Variants in PPP6R2 observed in about 807,000 individuals in gnomAD.
PPP6R2 encodes the protein serine/threonine-protein phosphatase 6 regulatory subunit 2.
Under a neutral mutation model 100.2 loss-of-function variants are expected in PPP6R2, and 62 were observed. The observed-to-expected ratio is 0.62, with a 90% CI of 0.50 to 0.76. The LOEUF (loss-of-function observed/expected upper bound fraction) is 0.76, where lower values mean the gene tolerates loss of function less well. Ranked by LOEUF, PPP6R2 falls within the 30% of genes least tolerant of loss-of-function variation. The pLI, the probability that PPP6R2 is intolerant of heterozygous loss-of-function variation, is 0.00. For missense variants in PPP6R2, 1,142 were observed against 1,276.3 expected, an observed-to-expected ratio of 0.89 and a Z score of 1.60; for synonymous variants, 525 against 514.7, an observed-to-expected ratio of 1.02 and a Z score of -0.27.
At chr22:50,363,125 TTGTAGAAGCAGACA>T (rs1336874657) in intron 1 of PPP6R2, among the ~76,000 whole-genome samples, 2 of 152,234 alleles carry the variant, frequency 1.3e-5, no homozygotes, top group African/African-American at 2.4e-5. Flanking sequence ...TTGTCACTTC[TTGTAGAAGCAGACA>T]TGTGCTGGTG....
chr22:50,389,117 A>G (rs545765355), intron 2 of PPP6R2: 1 of 152,348 alleles, frequency 6.6e-6, no homozygotes, highest in East Asian at 1.9e-4. Flanking sequence ...CTTGGGTAAG[A>G]ATCTAGAAGA....
intron 3 of PPP6R2, among the ~76,000 whole-genome samples, chr22:50,401,285 G>A (rs2057976830): frequency 6.6e-6 from 1 of 151,714 alleles, no homozygotes. Flanking sequence ...TCGGCTCACT[G>A]CAACCTTCAC....
Position 50,366,452 on chromosome 22 carries a change from C to T in PPP6R2, c.-147-5568C>T, listed in dbSNP as rs533585405. 2.6e-5 allele frequency among the ~76,000 whole-genome samples: 4 copies of T among 151,884 alleles called. No individual in the cohort carries two copies. In the South Asian group the frequency reaches 6.2e-4, roughly 24 times the overall value. ...CCCAGTAGCTGGGATTACAGGTGCC[C>T]GCCACCATGCCCAGCTAATTTTTGT... On this transcript the variant is annotated intron_variant, in intron 1 of 23. Coordinates refer to ENST00000612753, the MANE Select transcript of PPP6R2 (RefSeq NM_001242898.2).
Position 50,444,677 on chromosome 22 carries a change from A to G in PPP6R2, c.*430A>G, listed in dbSNP as rs2066655208. Reference sequence around the variant, plus strand: ...TACAGAAGGAGCCAAGCTTTTTTGCACTTTGTATCCAGCTGCAAGCTCAGG... The same window carrying G: ...TACAGAAGGAGCCAAGCTTTTTTGCGCTTTGTATCCAGCTGCAAGCTCAGG... On this transcript the variant is annotated 3_prime_UTR_variant, in exon 24 of 24. Transcript: ENST00000612753. 5.0e-6 allele frequency: 1 copy of G among 200,016 alleles called. No homozygotes were observed. The highest frequency in any genetic ancestry group is 1.0e-5 in the Non-Finnish European group (1 of 99,838). 12.4% of individuals were successfully genotyped at this position (200,016 alleles called of 1,614,324 possible).
At chr22:50,422,963 T>A (rs1376622387) in intron 9 of PPP6R2, among the ~76,000 whole-genome samples, 1 of 152,068 alleles carries the variant, frequency 6.6e-6, no homozygotes, top group Non-Finnish European at 1.5e-5. Context: ...GAAGAGAAGG[T>A]AGGTGCAGTA....
intron 2 of PPP6R2, among the ~76,000 whole-genome samples, chr22:50,379,587 T>C (rs141022620): frequency 6.6e-6 from 1 of 152,094 alleles, no homozygotes; most frequent in Non-Finnish European, 1.5e-5. Context: ...AAAGCAAATA[T>C]GTGAGCAAAT....
chr22:50,337,530 ATAGT>A, the PPP6R2 span, among the ~76,000 whole-genome samples: 1 of 68,454 alleles, frequency 1.5e-5, no homozygotes, highest in Non-Finnish European at 2.9e-5. Flanking sequence ...GCGTGTGTGT[ATAGT>A]GTGTGCGATG....
Position 50,354,345 on chromosome 22 carries a change from A to G in PPP6R2, c.-148+10795A>G, listed in dbSNP as rs76615455. 3.4e-3 allele frequency among the ~76,000 whole-genome samples: 518 copies of G among 152,226 alleles called. 10 individuals are homozygous for G. The East Asian group carries it at 0.062, about 18-fold the overall frequency. ...TAAATAAAATAAAATGCCTGGGACT[A>G]GAGATGTTTTGGATTTCAAATTTTC... is the stretch of plus-strand genomic sequence containing the variant. On this transcript the variant is annotated intron_variant, in intron 1 of 23. Transcript: ENST00000612753.
At chr22:50,429,402 T>C (rs1027208662) in intron 10 of PPP6R2, among the ~76,000 whole-genome samples, 1 of 152,218 alleles carries the variant, frequency 6.6e-6, no homozygotes, top group Non-Finnish European at 1.5e-5. Context: ...TTTATCCTGT[T>C]AATGTGGTGT....
intron 4 of PPP6R2, among the ~76,000 whole-genome samples, chr22:50,411,490 C>T (rs985499857): frequency 3.3e-5 from 5 of 151,862 alleles, no homozygotes; most frequent in African/African-American, 1.2e-4. Context: ...TGCTGGCTCA[C>T]ACCTGTAATC....
At chr22:50,377,292 A>G (rs1452715537) in intron 2 of PPP6R2, among the ~76,000 whole-genome samples, 2 of 152,088 alleles carry the variant, frequency 1.3e-5, no homozygotes, top group Non-Finnish European at 2.9e-5. Context: ...TGTCTCTACA[A>G]AGAATTTTTA....
intron 3 of PPP6R2, among the ~76,000 whole-genome samples, chr22:50,395,842 T>C (rs540951071): frequency 6.5e-4 from 98 of 151,502 alleles, no homozygotes; most frequent in African/African-American, 2.3e-3. Flanking sequence ...GCTGGGATTA[T>C]AGGTGTGAGC....
At chr22:50,383,429 T>C (rs539243044) in intron 2 of PPP6R2, among the ~76,000 whole-genome samples, 13 of 152,300 alleles carry the variant, frequency 8.5e-5, no homozygotes, top group Admixed American at 2.6e-4. Context: ...GTTGCCCGTG[T>C]TTTCCCAAAT....
rs1428442882 is a variant in PPP6R2, at chr22:50,437,543, A to G, written c.1721A>G (p.Asn574Ser). 3 of 1,440,966 alleles carry G rather than the reference A, an allele frequency of 2.1e-6. No homozygotes were observed. Among genetic ancestry groups the G allele is most frequent in the Non-Finnish European group, 2.8e-6 (3 of 1,071,750 alleles). 89.3% of individuals were successfully genotyped at this position (1,440,966 alleles called of 1,614,324 possible). A position where few individuals can be genotyped will look rare whatever the true frequency, so the allele number is the denominator to read the frequency against. Residue 574 changes from asparagine (N) to serine (S), a missense_variant, in exon 16 of 24, where the codon AAC becomes AGC. By Grantham distance (46) the Asn-to-Ser change is conservative. This residue lies in a region of PPP6R2 where 592 missense variants were observed against 758.9 expected (regional missense o/e 0.78). Transcript: ENST00000612753. ...TACCAGATCCAGCAGATGACAGCCA[A>G]CTTCGTGGATCAGTTTGGCTTCAAT... is the stretch of plus-strand genomic sequence containing the variant. The part of the protein sequence containing the change: ...SDYQIQQMTA[N>S]FVDQFGFNDE...
Position 50,436,367 on chromosome 22 carries a change from G to T in PPP6R2, c.1517G>T (p.Gly506Val). ...VQTHISEVIR[G>V]LPADCRGRWE... is the part of the protein sequence containing the mutation. ...TCACCAGGCAGCACTTCCCTTGCAG[G>T]GCTCCCTGCGGACTGCCGTGGCCGC... The change falls in exon 14 of 24, where the codon GGG (glycine) becomes GTG (valine). Residue 506 changes from glycine (G) to valine (V), a missense_variant and splice_region_variant. Around this residue, in one of 2 missense-constraint regions of PPP6R2, gnomAD observed 592 missense variants for 758.9 expected, o/e 0.78. Coordinates refer to ENST00000612753, the MANE Select transcript of PPP6R2 (RefSeq NM_001242898.2). 6.4e-7 allele frequency: 1 copy of T among 1,570,930 alleles called. No individual in the cohort carries two copies. The highest frequency in any genetic ancestry group is 1.2e-5 in the South Asian group (1 of 85,468).
chr22:50,394,913 CAAA>C (rs57028687), intron 3 of PPP6R2, among the ~76,000 whole-genome samples: 21 of 76,412 alleles, frequency 2.7e-4, no homozygotes, highest in African/African-American at 6.3e-4. Context: ...GACTCTGTCT[CAAA>C]AAAAAAAAAA....
chr22:50,396,195 C>CAA (rs528437459), intron 3 of PPP6R2, among the ~76,000 whole-genome samples: 5,160 of 51,484 alleles, frequency 0.1, 440 homozygotes, highest in East Asian at 0.24. Flanking sequence ...GACTCTGGCT[C>CAA]AAAAAAAAAA....
At chr22:50,415,611 G>A (rs1664228827) in intron 5 of PPP6R2, among the ~76,000 whole-genome samples, 1 of 152,222 alleles carries the variant, frequency 6.6e-6, no homozygotes, top group African/African-American at 2.4e-5. Context: ...AGCCAGGTAC[G>A]GCCCAGGCCT....
In PPP6R2 at chr22:50,423,987, G is replaced by T. The variant is rs915861281; in HGVS notation, c.1125+373G>T. Among the ~76,000 whole-genome samples the T allele has an allele frequency of 3.9e-5, 6 of 152,242 alleles. No individual in the cohort carries two copies. Among genetic ancestry groups the T allele is most frequent in the African/African-American group, 1.4e-4 (6 of 41,464 alleles). ...TAAAATGGCTAAAAGAGAAGCTCCT[G>T]TCGTCCACAGTAGAAGGCCAACCTG... On this transcript the variant is annotated intron_variant, in intron 10 of 23. Coordinates refer to ENST00000612753, the MANE Select transcript of PPP6R2 (RefSeq NM_001242898.2). This position sits in a 1 kb window ranked among gnomAD's most constrained non-coding sequence, Gnocchi z 4.8.
Sources: allele counts gnomAD v4.1 joint callset (sites outside exome capture counted in the v4.1 genomes callset), GRCh38; gene constraint gnomAD v4.1.1; regional missense constraint gnomAD v4.1.1; non-coding constraint Gnocchi (gnomAD v3.1); transcripts MANE v1.5; gene names NCBI Gene and HGNC (gene_info 2026-07-23, HGNC 2026-07-21).